PPHLN1: variants seen among roughly 807,000 people sequenced by gnomAD.
The protein encoded by PPHLN1 is periphilin-1.
In PPHLN1, 29 loss-of-function variants were observed where a neutral mutation model predicts 51.3. The observed-to-expected ratio is 0.57, with a 90% CI of 0.42 to 0.77. PPHLN1 has a LOEUF of 0.77. PPHLN1 is among the 30% of genes least tolerant of loss of function. The probability of loss-of-function intolerance (pLI) is 0.00; values close to 1 mark genes in which losing one functional copy is unlikely to be tolerated. For synonymous variants in PPHLN1, 147 were observed against 147.8 expected, an observed-to-expected ratio of 0.99 and a Z score of 0.04; for missense variants, 436 against 438.4, an observed-to-expected ratio of 0.99 and a Z score of 0.05.
At position 42,383,830 on chromosome 12, in the gene PPHLN1, A is replaced by G. The variant is rs1053833232; in HGVS notation, c.512-1110A>G. ...CTCGTCTCTACTAAAAAATACAAAA[A>G]AAAATTAGCCAGGTGTGGTCGCAGG... is the stretch of plus-strand genomic sequence containing the variant. On this transcript the variant is annotated intron_variant, in intron 5 of 9. Coordinates refer to ENST00000358314, the MANE Select transcript of PPHLN1 (RefSeq NM_201439.2). 2.6e-5 allele frequency among the ~76,000 whole-genome samples: 4 copies of G among 152,008 alleles called. No homozygotes were observed. In the East Asian group the frequency reaches 5.8e-4, roughly 22 times the overall value.
rs112150295 is a variant in PPHLN1 at position 42,346,378 on chromosome 12, C to T, written c.73-5507C>T. Among the ~76,000 whole-genome samples the T allele has an allele frequency of 8.6e-3, 1,304 of 152,008 alleles. 3 individuals are homozygous for T. The highest frequency in any genetic ancestry group is 0.012 in the Non-Finnish European group (833 of 67,982). ...TAGCTTATTTCACTTAGCATAATGT[C>T]CTTCGGGTATATCCATGTGTTGTAA... On this transcript the variant is annotated intron_variant, in intron 2 of 9. Coordinates refer to ENST00000358314, the MANE Select transcript of PPHLN1 (RefSeq NM_201439.2).
At chr12:42,441,145 G>GTT (rs1487191004) in intron 9 of PPHLN1, among the ~76,000 whole-genome samples, 170 bp from the exon 10 acceptor site, 1 of 152,158 alleles carries the variant, frequency 6.6e-6, no homozygotes, top group Non-Finnish European at 1.5e-5. Context: ...CATGGATAGA[G>GTT]GTTTAAATGG....
At chr12:42,375,314 G>GGT (rs2076166056) in intron 5 of PPHLN1, 1 of 181,628 alleles carries the variant, frequency 5.5e-6, no homozygotes, top group Non-Finnish European at 1.1e-5. Context: ...GCATGTAAAA[G>GGT]GTTTTTTTTT....
At chr12:42,347,916 A>G (rs1287032415) in intron 2 of PPHLN1, among the ~76,000 whole-genome samples, 1 of 152,208 alleles carries the variant, frequency 6.6e-6, no homozygotes, top group Non-Finnish European at 1.5e-5. Flanking sequence ...AGGCTCCTGC[A>G]GTCATCTTTG....
intron 2 of PPHLN1, among the ~76,000 whole-genome samples, chr12:42,344,365 A>T (rs182645348): frequency 9.2e-5 from 14 of 152,320 alleles, no homozygotes; most frequent in Admixed American, 5.9e-4. Flanking sequence ...CATTAATGTG[A>T]TCAACTCCCA....
intron 9 of PPHLN1, among the ~76,000 whole-genome samples, chr12:42,421,874 A>G (rs1217030313): frequency 2.6e-5 from 4 of 151,482 alleles, no homozygotes; most frequent in Non-Finnish European, 4.4e-5. Context: ...TTGGTGTAGG[A>G]TTTTTGTTAT....
At chr12:42,344,343 TATA>T (rs1384172766) in intron 2 of PPHLN1, among the ~76,000 whole-genome samples, 2 of 152,222 alleles carry the variant, frequency 1.3e-5, no homozygotes, top group Non-Finnish European at 2.9e-5. Context: ...ATATCAAGCA[TATA>T]ATAACACACA....
intron 9 of PPHLN1, among the ~76,000 whole-genome samples, chr12:42,436,483 G>A (rs779097586): frequency 2.6e-5 from 4 of 152,200 alleles, no homozygotes; most frequent in Non-Finnish European, 4.4e-5. Context: ...GGTTCTGGTT[G>A]TCTCATGAGT....
chr12:42,349,511 T>C (rs576185669), intron 2 of PPHLN1, among the ~76,000 whole-genome samples: 2 of 152,048 alleles, frequency 1.3e-5, no homozygotes, highest in African/African-American at 2.4e-5. Context: ...CAGATAAACA[T>C]GTGAACAAAG....
At chr12:42,431,183 A>T (rs1309992800) in intron 9 of PPHLN1, among the ~76,000 whole-genome samples, 1 of 152,260 alleles carries the variant, frequency 6.6e-6, no homozygotes, top group Non-Finnish European at 1.5e-5. Flanking sequence ...TAAAGCATTT[A>T]AAAAACATAT....
At chr12:42,404,494 A>G (rs2079111105) in intron 9 of PPHLN1, among the ~76,000 whole-genome samples, 1 of 150,482 alleles carries the variant, frequency 6.6e-6, no homozygotes, top group Admixed American at 6.6e-5. Flanking sequence ...GCGCCCTTGC[A>G]CTCCAGCCTG....
At chr12:42,371,862 T>C (rs2075832230) in intron 4 of PPHLN1, among the ~76,000 whole-genome samples, 1 of 152,222 alleles carries the variant, frequency 6.6e-6, no homozygotes, top group African/African-American at 2.4e-5. Flanking sequence ...TTGACCTGTT[T>C]CTCTTTACTT....
chr12:42,442,750 T>C (rs1285599262), downstream of PPHLN1: 6 of 1,612,800 alleles, frequency 3.7e-6, no homozygotes, highest in East Asian at 2.2e-5. Context: ...CAGTAAGTCA[T>C]TGGTGCCCGC....
At chr12:42,330,020 A>T (rs2069455772) in intron 1 of PPHLN1, 1 of 152,158 alleles carries the variant, frequency 6.6e-6, no homozygotes, top group Non-Finnish European at 1.5e-5. Context: ...GATAGTGGGG[A>T]GAAGGTCAGC....
At chr12:42,399,934 C>G (rs1312785771) in intron 9 of PPHLN1, 4 of 152,058 alleles carry the variant, frequency 2.6e-5, no homozygotes, top group African/African-American at 7.2e-5. Flanking sequence ...TGGTACCTTT[C>G]AAGATACCAA....
chr12:42,330,561 T>C (rs2069558719), intron 1 of PPHLN1, among the ~76,000 whole-genome samples: 1 of 152,224 alleles, frequency 6.6e-6, no homozygotes, highest in Non-Finnish European at 1.5e-5. Flanking sequence ...AAACATGTTG[T>C]TAACAAGGCA....
chr12:42,377,347 C>G (rs1239905093), intron 5 of PPHLN1, among the ~76,000 whole-genome samples: 2 of 148,806 alleles, frequency 1.3e-5, no homozygotes, highest in Admixed American at 6.7e-5. Flanking sequence ...TGCTCTGTCA[C>G]CCAGGCTGGA....
chr12:42,360,199 C>T (rs1429463762), intron 4 of PPHLN1, among the ~76,000 whole-genome samples: 1 of 151,842 alleles, frequency 6.6e-6, no homozygotes, highest in Non-Finnish European at 1.5e-5. Context: ...GAAATGTCCC[C>T]AGTAATGTGC....
intron 9 of PPHLN1, among the ~76,000 whole-genome samples, chr12:42,424,323 A>T (rs2081246618): frequency 6.6e-6 from 1 of 152,220 alleles, no homozygotes; most frequent in Admixed American, 6.5e-5. Flanking sequence ...AACAGGACAG[A>T]AACCAAATTT....
Sources: gnomAD v4.1 joint callset for allele counts (sites outside exome capture counted in the v4.1 genomes callset) on GRCh38, gnomAD v4.1.1 for gene constraint, MANE v1.5 for transcripts, NCBI Gene and HGNC (gene_info 2026-07-23, HGNC 2026-07-21) for gene names.